RMDN2: variants seen among roughly 807,000 people sequenced by gnomAD.
The protein encoded by RMDN2 is regulator of microtubule dynamics 2, also known as regulator of microtubule dynamics protein 2.
Under a neutral mutation model 52.8 loss-of-function variants are expected in RMDN2, and 61 were observed. The ratio of observed to expected loss-of-function variants is 1.16; its 90% CI spans 0.94 to 1.43. The LOEUF (loss-of-function observed/expected upper bound fraction) is 1.43, where lower values mean the gene tolerates loss of function less well. Ranked by LOEUF, RMDN2 falls within the 40% of genes most tolerant of loss-of-function variation. The pLI is 0.00. For synonymous variants in RMDN2, 180 were observed against 153.1 expected (o/e 1.18, Z -1.30); for missense variants, 592 against 475.3 (o/e 1.25, Z -2.28).
chr2:37,923,530 C>A (rs1243348886), upstream of RMDN2, among the ~76,000 whole-genome samples: 3 of 152,168 alleles, frequency 2.0e-5, no homozygotes, highest in Non-Finnish European at 4.4e-5. Flanking sequence ...AAGAGACAGT[C>A]ATGTTTCTTT....
rs1666540514 is a variant in RMDN2 at position 37,929,381 on chromosome 2, T to C, written c.104T>C (p.Ile35Thr). The C allele has an allele frequency of 6.4e-7, 1 of 1,551,486 alleles. No homozygotes were observed. Reference sequence around the variant, plus strand: ...TACCACAAGGTCCGTAAACCAGGGATAGCAATGAAGTTACCTGAATTTCTT... The same window carrying C: ...TACCACAAGGTCCGTAAACCAGGGACAGCAATGAAGTTACCTGAATTTCTT... ...LWYHKVRKPG[I>T]AMKLPEFLSL... The change falls in exon 2 of 11, where the codon ATA (isoleucine) becomes ACA (threonine). Residue 35 changes from isoleucine to threonine, a missense_variant. Physicochemically the swap from Ile to Thr is moderately conservative, Grantham distance 89 (BLOSUM62 -1). Transcript: ENST00000354545.
intron 6 of RMDN2, among the ~76,000 whole-genome samples, chr2:37,990,142 GAAA>G (rs71400335): frequency 2.4e-4 from 4 of 16,856 alleles, no homozygotes; most frequent in African/African-American, 2.2e-3. Flanking sequence ...GACTCCGTCT[GAAA>G]AAAAAAAAAA....
At chr2:38,062,265 C>T (rs1417484374) in intron 10 of RMDN2, among the ~76,000 whole-genome samples, 1 of 152,216 alleles carries the variant, frequency 6.6e-6, no homozygotes, top group Non-Finnish European at 1.5e-5. Context: ...CACTGATCTA[C>T]TCTTCATCAT....
downstream of RMDN2, among the ~76,000 whole-genome samples, chr2:38,020,944 A>C (rs1355035931): frequency 6.6e-6 from 1 of 152,192 alleles, no homozygotes; most frequent in African/African-American, 2.4e-5. Flanking sequence ...CGGGTCTGGG[A>C]TCCACTGGGT....
chr2:37,956,548 T>G (rs1669485578), intron 2 of RMDN2, among the ~76,000 whole-genome samples: 1 of 152,080 alleles, frequency 6.6e-6, no homozygotes, highest in East Asian at 1.9e-4. Context: ...TCTGATTTAA[T>G]CTCTCTTATT....
intron 7 of RMDN2, 135 bp from the exon 8 acceptor site, chr2:37,997,281 G>A (rs114088605): frequency 0.012 from 7,877 of 648,928 alleles, 80 homozygotes; most frequent in Non-Finnish European, 0.015. Flanking sequence ...ATGGATATAT[G>A]TTTTCATTTG....
chr2:37,967,738 G>C (rs1288791324), intron 2 of RMDN2, among the ~76,000 whole-genome samples: 1 of 152,072 alleles, frequency 6.6e-6, no homozygotes, highest in Non-Finnish European at 1.5e-5. Context: ...TCTTTCAGTG[G>C]GAAATCATTA....
chr2:38,047,934 A>G (rs944489322), intron 10 of RMDN2, among the ~76,000 whole-genome samples: 1 of 152,114 alleles, frequency 6.6e-6, no homozygotes, highest in Non-Finnish European at 1.5e-5. Context: ...GGAGACAAAA[A>G]TTTTGTCTGA....
At position 38,066,865 on chromosome 2, in the gene RMDN2, A is replaced by G. The variant is rs1315369817; in HGVS notation, c.1714-117A>G. 3.6e-6 allele frequency: 3 copies of G among 834,100 alleles called. No individual in the cohort carries two copies. The African/African-American group carries it at 5.1e-5, about 14-fold the overall frequency. 51.7% of individuals were successfully genotyped at this position (834,100 alleles called of 1,614,324 possible). A position where few individuals can be genotyped will look rare whatever the true frequency, so the allele number is the denominator to read the frequency against. On this transcript the variant is annotated intron_variant, in intron 10 of 10. Transcript: ENST00000234195. ...TCATACATCTGGAAAACTAGTGAGT[A>G]TTCTCTTAAACCACTCCATAGCCAT...
In RMDN2 at chr2:38,017,245, C is replaced by A; in HGVS notation, c.*6C>A. ...TGACTTCCTTGAAGAGGTAAATAAA[C>A]GAATTTACTCTTCAACAAATCAGAT... On this transcript the variant is annotated 3_prime_UTR_variant, in exon 11 of 11. Transcript: ENST00000354545. 1 of 1,525,012 alleles carries A rather than the reference C, an allele frequency of 6.6e-7. No homozygotes were observed. The highest frequency in any genetic ancestry group is 8.8e-7 in the Non-Finnish European group (1 of 1,133,570). 94.5% of individuals were successfully genotyped at this position (1,525,012 alleles called of 1,614,324 possible). A position where few individuals can be genotyped will look rare whatever the true frequency, so the allele number is the denominator to read the frequency against.
At chr2:38,033,650 G>T (rs1573190221) in intron 10 of RMDN2, among the ~76,000 whole-genome samples, 1 of 152,202 alleles carries the variant, frequency 6.6e-6, no homozygotes, top group African/African-American at 2.4e-5. Flanking sequence ...TCTTGCTTCT[G>T]TGTTTTCATA....
intron 10 of RMDN2, among the ~76,000 whole-genome samples, chr2:38,004,919 G>A (rs1010046349): frequency 3.3e-5 from 5 of 151,448 alleles, no homozygotes; most frequent in Non-Finnish European, 7.4e-5. Context: ...TGATTGTTCA[G>A]TTCCCACCTA....
intron 2 of RMDN2, among the ~76,000 whole-genome samples, chr2:37,956,313 C>G (rs1442377672): frequency 6.6e-6 from 1 of 152,074 alleles, no homozygotes; most frequent in Admixed American, 6.6e-5. Flanking sequence ...TTCATTTCAT[C>G]TAGGTTAATC....
At chr2:38,051,442 A>G (rs941459018) in intron 10 of RMDN2, among the ~76,000 whole-genome samples, 1 of 152,208 alleles carries the variant, frequency 6.6e-6, no homozygotes, top group Non-Finnish European at 1.5e-5. Context: ...TATGGGGTAC[A>G]TGTGATATTC....
chr2:38,010,318 A>C (rs1269069042), intron 10 of RMDN2, among the ~76,000 whole-genome samples: 2 of 152,206 alleles, frequency 1.3e-5, no homozygotes, highest in Non-Finnish European at 2.9e-5. Flanking sequence ...GGTGGAGTCT[A>C]CAGAGGCAGG....
intron 3 of RMDN2, 180 bp from the exon 4 acceptor site, chr2:37,975,032 T>A: frequency 1.7e-6 from 1 of 593,370 alleles, no homozygotes; most frequent in Non-Finnish European, 3.0e-6. Flanking sequence ...AGGTCATATT[T>A]CTTAGCCATG....
chr2:38,005,806 A>G (rs924287636), intron 10 of RMDN2, among the ~76,000 whole-genome samples: 13 of 152,092 alleles, frequency 8.5e-5, no homozygotes, highest in Admixed American at 6.6e-4. Context: ...GTAGTGCCTA[A>G]GTTTTCTCCT....
chr2:37,935,713 A>G (rs781057166), intron 2 of RMDN2, among the ~76,000 whole-genome samples: 1 of 152,154 alleles, frequency 6.6e-6, no homozygotes, highest in African/African-American at 2.4e-5. Context: ...ATTTACATAC[A>G]TATCATTATA....
chr2:37,952,103 T>G (rs1668899483), intron 2 of RMDN2: 3 of 1,613,228 alleles, frequency 1.9e-6, no homozygotes, highest in East Asian at 2.2e-5. Context: ...TTATCCCACC[T>G]CAAAGCGAAT....
Sources: allele counts gnomAD v4.1 joint callset (sites outside exome capture counted in the v4.1 genomes callset), GRCh38; gene constraint gnomAD v4.1.1; transcripts MANE v1.5; gene names NCBI Gene and HGNC (gene_info 2026-07-23, HGNC 2026-07-21).